UNC13C: variants seen among roughly 807,000 people sequenced by gnomAD.
The protein encoded by UNC13C is unc-13 homolog C, also known as protein unc-13 homolog C.
Under a neutral mutation model 245.4 loss-of-function variants are expected in UNC13C, and 174 were observed. That is an observed-to-expected ratio of 0.71 (90% CI 0.63 to 0.80). The LOEUF (loss-of-function observed/expected upper bound fraction) is 0.80, where lower values mean the gene tolerates loss of function less well. Among genes scored for constraint, UNC13C ranks in the 30% least tolerant of loss-of-function variants. UNC13C has a pLI of 0.00. For synonymous variants in UNC13C, 992 were observed against 895.1 expected (o/e 1.11, Z -1.93); for missense variants, 2,829 against 2,602.9 (o/e 1.09, Z -1.89).
intron 30 of UNC13C, among the ~76,000 whole-genome samples, chr15:54,593,092 C>A (rs1343028648): frequency 1.3e-5 from 2 of 152,086 alleles, no homozygotes; most frequent in Non-Finnish European, 2.9e-5. Context: ...ATACAAAATT[C>A]TTGGCTAATA....
chr15:54,263,390 A>G (rs978010740), intron 8 of UNC13C, among the ~76,000 whole-genome samples: 1 of 152,198 alleles, frequency 6.6e-6, no homozygotes, highest in Admixed American at 6.5e-5. Context: ...CAGAACAATA[A>G]GACTATCTAG....
At chr15:54,631,959 G>A (rs2141333049), downstream of UNC13C, 1 of 152,150 alleles carries the variant, frequency 6.6e-6, no homozygotes, top group East Asian at 1.9e-4. Flanking sequence ...CAGAAGCAAT[G>A]TATGAGAGTT....
chr15:54,516,131 T>C (rs1461495970), intron 24 of UNC13C, among the ~76,000 whole-genome samples: 3 of 152,320 alleles, frequency 2.0e-5, no homozygotes, highest in Admixed American at 1.3e-4. Flanking sequence ...TTGAAATTCA[T>C]TGTAATACCT....
chr15:53,896,962 G>T, the UNC13C span, among the ~76,000 whole-genome samples: 2 of 152,198 alleles, frequency 1.3e-5, no homozygotes, highest in African/African-American at 4.8e-5. Context: ...TATTTGGGAA[G>T]CCAACATAGT....
chr15:54,029,267 C>T (rs1025535195), intron 2 of UNC13C, among the ~76,000 whole-genome samples: 2 of 152,138 alleles, frequency 1.3e-5, no homozygotes, highest in African/African-American at 2.4e-5. Flanking sequence ...TGTGTTGCCT[C>T]GGGGCAATTT....
chr15:53,863,044 T>C, the UNC13C span, among the ~76,000 whole-genome samples: 1 of 152,158 alleles, frequency 6.6e-6, no homozygotes, highest in African/African-American at 2.4e-5. Flanking sequence ...GTATGATTCA[T>C]CCTGAGGTAA....
intron 2 of UNC13C, among the ~76,000 whole-genome samples, chr15:54,069,069 C>T (rs1480540272): frequency 1.3e-5 from 2 of 152,160 alleles, no homozygotes; most frequent in African/African-American, 4.8e-5. Context: ...CAGATGCTTA[C>T]ACTTTAAGCT....
chr15:54,460,609 A>G (rs76166634), intron 19 of UNC13C, among the ~76,000 whole-genome samples: 4,666 of 152,338 alleles, frequency 0.031, 179 homozygotes, highest in Admixed American at 0.12. Context: ...CAGGATAAGT[A>G]CTTGGGTTTC....
At chr15:54,493,795 A>G (rs1436283413) in intron 19 of UNC13C, among the ~76,000 whole-genome samples, 1 of 152,110 alleles carries the variant, frequency 6.6e-6, no homozygotes, top group Admixed American at 6.6e-5. Context: ...AGCATAGATA[A>G]ACATTCTCAG....
chr15:54,184,400 A>G lies in UNC13C; in HGVS notation c.3071+40716A>G, dbSNP rs1430053574. 2.6e-5 allele frequency among the ~76,000 whole-genome samples: 4 copies of G among 151,996 alleles called. No homozygotes were observed. In the East Asian group the frequency reaches 7.7e-4, roughly 29 times the overall value. On this transcript the variant is annotated intron_variant, in intron 4 of 32. Transcript: ENST00000260323. The stretch of plus-strand genomic sequence containing the variant: ...TCATTTAGCATTAGGTATATCTCCT[A>G]ATGCTATCCCTCCCCGCTTCCCCCA...
At chr15:54,556,384 C>T (rs1186634614) in intron 29 of UNC13C, among the ~76,000 whole-genome samples, 1 of 152,038 alleles carries the variant, frequency 6.6e-6, no homozygotes, top group Non-Finnish European at 1.5e-5. Flanking sequence ...GAATAACAGT[C>T]ACATACTTTC....
intron 17 of UNC13C, among the ~76,000 whole-genome samples, chr15:54,350,538 AAAAG>A (rs1428753721): frequency 6.6e-6 from 1 of 152,198 alleles, no homozygotes; most frequent in East Asian, 1.9e-4. Flanking sequence ...CTCAAAGAAA[AAAAG>A]AGTAAGTCTA....
chr15:54,370,758 A>T (rs1191914621), intron 17 of UNC13C, among the ~76,000 whole-genome samples: 1 of 152,134 alleles, frequency 6.6e-6, no homozygotes. Flanking sequence ...TTTCATTCAA[A>T]TAATATCTGA....
At chr15:54,125,776 C>T (rs554718228) in intron 2 of UNC13C, among the ~76,000 whole-genome samples, 13 of 152,182 alleles carry the variant, frequency 8.5e-5, no homozygotes, top group African/African-American at 3.1e-4. Context: ...AGTAGATTGA[C>T]TTCTATATCA....
intron 17 of UNC13C, among the ~76,000 whole-genome samples, chr15:54,391,707 C>T (rs888116964): frequency 6.6e-6 from 1 of 152,034 alleles, no homozygotes; most frequent in Non-Finnish European, 1.5e-5. Context: ...ACATCTGTTG[C>T]ATTTCAAACA....
chr15:54,343,818 G>T (rs920140737), intron 17 of UNC13C, among the ~76,000 whole-genome samples: 2 of 152,142 alleles, frequency 1.3e-5, no homozygotes, highest in African/African-American at 4.8e-5. Context: ...AGGAAAAGTG[G>T]GAATTTATAG....
intron 10 of UNC13C, among the ~76,000 whole-genome samples, chr15:54,270,915 G>C (rs2036672270): frequency 6.6e-6 from 1 of 151,998 alleles, no homozygotes; most frequent in South Asian, 2.1e-4. Context: ...AATTGCTGCA[G>C]ACCTAAACAA....
chr15:54,257,803 G>A (rs1477790518), intron 8 of UNC13C, among the ~76,000 whole-genome samples: 1 of 152,166 alleles, frequency 6.6e-6, no homozygotes, highest in Non-Finnish European at 1.5e-5. Flanking sequence ...GAAGACTGGG[G>A]GAGTTGCAGG....
In UNC13C at chr15:54,451,372, T is replaced by C. The variant is rs539389370; in HGVS notation, c.4933+36305T>C. 6.2e-4 allele frequency among the ~76,000 whole-genome samples: 95 copies of C among 152,300 alleles called. 3 individuals are homozygous for C. In the South Asian group the frequency reaches 0.02, roughly 32 times the overall value. On this transcript the variant is annotated intron_variant, in intron 19 of 32. Transcript: ENST00000260323. ...ACCTAATATTTTGTTAAATAGGTTT[T>C]TTTTATTTTTTGTTCTCCTTCTGGG...
Sources: allele counts gnomAD v4.1 joint callset (sites outside exome capture counted in the v4.1 genomes callset), GRCh38; gene constraint gnomAD v4.1.1; transcripts MANE v1.5; gene names NCBI Gene and HGNC (gene_info 2026-07-23, HGNC 2026-07-21).